The following UBE2E2 variants were observed in gnomAD, a reference collection of about 807,000 sequenced individuals.
UBE2E2 encodes ubiquitin conjugating enzyme E2 E2, also known as ubiquitin-conjugating enzyme E2 E2.
Under a neutral mutation model 24.7 loss-of-function variants are expected in UBE2E2, and 6 were observed. The ratio of observed to expected loss-of-function variants is 0.24; its 90% CI spans 0.13 to 0.48. The LOEUF (loss-of-function observed/expected upper bound fraction) is 0.48. Ranked by LOEUF, UBE2E2 falls within the 20% of genes least tolerant of loss-of-function variation. The probability of loss-of-function intolerance (pLI) is 0.99; values close to 1 mark genes in which losing one functional copy is unlikely to be tolerated. For synonymous variants in UBE2E2, 104 were observed against 83.6 expected (o/e 1.24, Z -1.33); for missense variants, 169 against 245.0 (o/e 0.69, Z 2.07).
rs1180127091 is a variant in UBE2E2, at chr3:23,558,296, A to C, written c.508+25595A>C. 2.0e-5 allele frequency among the ~76,000 whole-genome samples: 3 copies of C among 152,194 alleles called. No individual in the cohort carries two copies. In the East Asian group the frequency reaches 5.8e-4, roughly 29 times the overall value. On this transcript the variant is annotated intron_variant, in intron 5 of 5. Coordinates refer to ENST00000396703, the MANE Select transcript of UBE2E2 (RefSeq NM_152653.4). ...TGTTTCTTCTATAAGTATAGGGTGAAAGTGCAGATAAATCCAAGTGTGCAA... is the reference window on the plus strand; with the variant it reads ...TGTTTCTTCTATAAGTATAGGGTGACAGTGCAGATAAATCCAAGTGTGCAA...
intron 4 of UBE2E2, among the ~76,000 whole-genome samples, chr3:23,510,236 G>A (rs148935506): frequency 1.3e-5 from 2 of 152,252 alleles, no homozygotes; most frequent in Non-Finnish European, 2.9e-5. Flanking sequence ...CTGTCCTTTC[G>A]CAGGTGTGGT....
chr3:23,334,833 G>T (rs1315639223), intron 3 of UBE2E2, among the ~76,000 whole-genome samples: 1 of 152,188 alleles, frequency 6.6e-6, no homozygotes, highest in East Asian at 1.9e-4. Context: ...ATATGATTCA[G>T]ATTGATCTTA....
chr3:23,561,771 T>A (rs1023690065), intron 5 of UBE2E2, among the ~76,000 whole-genome samples: 1 of 152,194 alleles, frequency 6.6e-6, no homozygotes, highest in Admixed American at 6.5e-5. Flanking sequence ...GTGGTTCTCC[T>A]TGAAGAGGTC....
intron 3 of UBE2E2, among the ~76,000 whole-genome samples, chr3:23,379,108 G>A (rs919344847): frequency 6.6e-6 from 1 of 152,114 alleles, no homozygotes; most frequent in African/African-American, 2.4e-5. Flanking sequence ...ACTGTCTTGT[G>A]AGATTGAATG....
intron 5 of UBE2E2, among the ~76,000 whole-genome samples, chr3:23,573,151 T>C (rs1364902378): frequency 6.6e-6 from 1 of 152,050 alleles, no homozygotes; most frequent in Non-Finnish European, 1.5e-5. Flanking sequence ...AAAAGACAAA[T>C]TATTCCGTTG....
At chr3:23,257,708 A>C (rs1324730619) in intron 3 of UBE2E2, among the ~76,000 whole-genome samples, 1 of 151,574 alleles carries the variant, frequency 6.6e-6, no homozygotes, top group Non-Finnish European at 1.5e-5. Context: ...TTGAAACCAA[A>C]ACATACCCAA....
intron 3 of UBE2E2, among the ~76,000 whole-genome samples, chr3:23,350,589 A>G (rs1190350680): frequency 2.0e-5 from 3 of 152,232 alleles, no homozygotes; most frequent in East Asian, 1.9e-4. Context: ...CGTGAAGAAT[A>G]CAGAAGCCTC....
chr3:23,528,251 A>G (rs1347955187), intron 4 of UBE2E2, among the ~76,000 whole-genome samples: 1 of 152,246 alleles, frequency 6.6e-6, no homozygotes, highest in Non-Finnish European at 1.5e-5. Context: ...AGAAACCCAG[A>G]TGCCCTTCAG....
At chr3:23,540,638 C>T (rs1423743634) in intron 5 of UBE2E2, among the ~76,000 whole-genome samples, 3 of 152,102 alleles carry the variant, frequency 2.0e-5, no homozygotes, top group East Asian at 1.9e-4. Context: ...CTCCTGACCT[C>T]GTGATCCTCC....
intron 5 of UBE2E2, among the ~76,000 whole-genome samples, chr3:23,538,110 CA>C (rs200503711): frequency 0.029 from 4,403 of 149,868 alleles, 107 homozygotes; most frequent in East Asian, 0.13. Context: ...AGCAGGACTA[CA>C]AAAAAAAAAT....
At position 23,325,524 on chromosome 3, in the gene UBE2E2, G is replaced by C. The variant is rs556527716; in HGVS notation, c.227+108212G>C. On this transcript the variant is annotated intron_variant, in intron 3 of 5. Transcript: ENST00000396703. ...AGAAAACATTAGATATATTTAATGG[G>C]ATAGCATAAGTAATTTCCATTCTCA... Among the ~76,000 whole-genome samples the C allele has an allele frequency of 8.5e-5, 13 of 152,280 alleles. No homozygotes were observed. In the East Asian group the frequency reaches 1.9e-3, roughly 23 times the overall value.
chr3:23,503,477 A>G (rs1248864016), intron 4 of UBE2E2, among the ~76,000 whole-genome samples: 1 of 152,024 alleles, frequency 6.6e-6, no homozygotes, highest in Non-Finnish European at 1.5e-5. Flanking sequence ...ACCGTGAGCC[A>G]CCACGCCCGG....
chr3:23,490,736 T>C (rs1699477859), intron 3 of UBE2E2, among the ~76,000 whole-genome samples: 1 of 152,180 alleles, frequency 6.6e-6, no homozygotes, highest in South Asian at 2.1e-4. Flanking sequence ...GATGATTAAG[T>C]AGTAGTTATT....
chr3:23,499,499 CTT>C (rs1471411059), intron 3 of UBE2E2, 107 bp from the exon 4 acceptor site: 29 of 1,367,018 alleles, frequency 2.1e-5, no homozygotes, highest in Non-Finnish European at 3.9e-6. Context: ...AACTGATTAA[CTT>C]TTTGTGTTTT....
intron 3 of UBE2E2, among the ~76,000 whole-genome samples, chr3:23,267,928 C>T (rs1698096495): frequency 6.6e-6 from 1 of 151,630 alleles, no homozygotes; most frequent in Non-Finnish European, 1.5e-5. Context: ...CGTAATCCAG[C>T]ATATAAACAG....
At chr3:23,494,527 C>CT (rs1213460228) in intron 3 of UBE2E2, among the ~76,000 whole-genome samples, 4 of 152,136 alleles carry the variant, frequency 2.6e-5, no homozygotes, top group Non-Finnish European at 5.9e-5. Context: ...AGCCACATGG[C>CT]TACCATATTA....
In UBE2E2 at chr3:23,352,186, G is replaced by A. The variant is rs552097171; in HGVS notation, c.227+134874G>A. Reference sequence around the variant, plus strand: ...AATAAAGATGTTCTTTGAAACCAACGAGAACAAAGACACAACATACCAGAA... The same window carrying A: ...AATAAAGATGTTCTTTGAAACCAACAAGAACAAAGACACAACATACCAGAA... On this transcript the variant is annotated intron_variant, in intron 3 of 5. Coordinates refer to ENST00000396703, the MANE Select transcript of UBE2E2 (RefSeq NM_152653.4). Among the ~76,000 whole-genome samples, 112 of 151,460 alleles carry A rather than the reference G, an allele frequency of 7.4e-4. 1 individual carries two copies. Among genetic ancestry groups the A allele is most frequent in the African/African-American group, 2.4e-3 (98 of 41,280 alleles).
At chr3:23,214,165 T>G (rs1559441454) in intron 2 of UBE2E2, among the ~76,000 whole-genome samples, 4 of 152,160 alleles carry the variant, frequency 2.6e-5, no homozygotes, top group Non-Finnish European at 5.9e-5. Flanking sequence ...CATCAGTAAA[T>G]TGCTTTTTGT....
intron 3 of UBE2E2, among the ~76,000 whole-genome samples, chr3:23,487,040 G>T (rs1181991339): frequency 6.6e-6 from 1 of 152,282 alleles, no homozygotes; most frequent in African/African-American, 2.4e-5. Flanking sequence ...ATGCTGAGGG[G>T]TGCCTGCAGG....
Sources: gnomAD v4.1 joint callset for allele counts (sites outside exome capture counted in the v4.1 genomes callset) on GRCh38, gnomAD v4.1.1 for gene constraint, MANE v1.5 for transcripts, NCBI Gene and HGNC (gene_info 2026-07-23, HGNC 2026-07-21) for gene names.